Variants in VPS26A observed in about 807,000 individuals in gnomAD.
VPS26A encodes the protein VPS26 retromer complex component A, also known as vacuolar protein sorting-associated protein 26A.
Under a neutral mutation model 42.4 loss-of-function variants are expected in VPS26A, and 22 were observed. That is an observed-to-expected ratio of 0.52 (90% CI 0.37 to 0.74). VPS26A has a LOEUF of 0.74. Ranked by LOEUF, VPS26A falls within the 30% of genes least tolerant of loss-of-function variation. VPS26A has a pLI of 0.00. For missense variants in VPS26A, 276 were observed against 379.2 expected (o/e 0.73, Z 2.26); for synonymous variants, 110 against 123.5 (o/e 0.89, Z 0.73).
At chr10:69,162,593 A>C in intron 6 of VPS26A, 81 bp downstream of exon 6, 2 of 886,310 alleles carry the variant, frequency 2.3e-6, no homozygotes, top group Non-Finnish European at 3.3e-6. Flanking sequence ...TTTAAACATA[A>C]TTTGATATCC....
intron 2 of VPS26A, among the ~76,000 whole-genome samples, chr10:69,153,917 A>C (rs1157995245): frequency 6.6e-6 from 1 of 152,222 alleles, no homozygotes; most frequent in East Asian, 1.9e-4. Flanking sequence ...GGGTACATTC[A>C]GTGAACAAGT....
At chr10:69,143,653 T>G (rs903478270) in intron 2 of VPS26A, among the ~76,000 whole-genome samples, 2 of 152,190 alleles carry the variant, frequency 1.3e-5, no homozygotes, top group African/African-American at 4.8e-5. Flanking sequence ...TTTCCTTTAG[T>G]TATTGTTCAA....
At chr10:69,154,878 T>C (rs1260587484) in intron 2 of VPS26A, among the ~76,000 whole-genome samples, 1 of 152,190 alleles carries the variant, frequency 6.6e-6, no homozygotes, top group Non-Finnish European at 1.5e-5. Flanking sequence ...AATATGTGTG[T>C]GTGTGCGCGC....
intron 8 of VPS26A, 93 bp from the exon 9 acceptor site, chr10:69,171,063 A>G (rs1841802145): frequency 2.8e-6 from 3 of 1,052,920 alleles, no homozygotes; most frequent in Non-Finnish European, 4.2e-6. Context: ...GGAAGAATTT[A>G]ATTTTATTAT....
chr10:69,144,827 A>G (rs1050992999), intron 2 of VPS26A, among the ~76,000 whole-genome samples: 5 of 151,902 alleles, frequency 3.3e-5, no homozygotes, highest in African/African-American at 4.8e-5. Flanking sequence ...ATGTATCATA[A>G]ATATCTTCTC....
chr10:69,144,544 TAG>T (rs1841113863), intron 2 of VPS26A, among the ~76,000 whole-genome samples: 1 of 152,234 alleles, frequency 6.6e-6, no homozygotes, highest in Non-Finnish European at 1.5e-5. Flanking sequence ...GTAGCCTTTT[TAG>T]ATTGGTTTAT....
intron 1 of VPS26A, among the ~76,000 whole-genome samples, chr10:69,128,745 A>G (rs1473115424): frequency 6.6e-6 from 1 of 152,112 alleles, no homozygotes; most frequent in Non-Finnish European, 1.5e-5. Flanking sequence ...CTGTAATCCC[A>G]GCATTTTGGG....
At position 69,155,735 on chromosome 10, in the gene VPS26A, C is replaced by A. The variant is rs1009544068; in HGVS notation, c.154-77C>A. The A allele has an allele frequency of 4.0e-5, 40 of 1,012,560 alleles. No individual in the cohort carries two copies. The Admixed American group carries it at 8.7e-4, about 22-fold the overall frequency. The allele number at this position is 1,012,560 out of a possible 1,614,324, so 62.7% of individuals were successfully genotyped here. On this transcript the variant is annotated intron_variant, in intron 2 of 8. Transcript: ENST00000263559. ...GAATACCTGAAATATTTATATATTG[C>A]ATTCATCTGAAAGGAAGCTACTAGT...
At chr10:69,155,958 A>T in intron 3 of VPS26A, 71 bp downstream of exon 3, 1 of 1,182,184 alleles carries the variant, frequency 8.5e-7, no homozygotes, top group Non-Finnish European at 1.2e-6. Context: ...TTTTGCACCA[A>T]AATAATTGAA....
In VPS26A at chr10:69,172,871, C is replaced by CT. The variant is rs1377432091; in HGVS notation, c.*1603dup. 6.6e-6 allele frequency: 1 copy of CT among 152,336 alleles called. No homozygotes were observed. Among genetic ancestry groups the CT allele is most frequent in the African/African-American group, 2.4e-5 (1 of 41,456 alleles). The allele number at this position is 152,336 out of a possible 1,614,324, so 9.4% of individuals were successfully genotyped here. A position where few individuals can be genotyped will look rare whatever the true frequency, so the allele number is the denominator to read the frequency against. On this transcript the variant is annotated 3_prime_UTR_variant, in exon 9 of 9. Coordinates refer to ENST00000263559, the MANE Select transcript of VPS26A (RefSeq NM_004896.5). Reference sequence around the variant, plus strand: ...GAATTTGAAACAGAAACTGAGCTTGCTGTTTGCATGATTAAAATAGCTCTG... The same window carrying CT: ...GAATTTGAAACAGAAACTGAGCTTGCTTGTTTGCATGATTAAAATAGCTCTG...
chr10:69,146,605 T>C (rs1841166510), intron 2 of VPS26A, among the ~76,000 whole-genome samples: 3 of 152,298 alleles, frequency 2.0e-5, no homozygotes, highest in Non-Finnish European at 4.4e-5. Context: ...TAACCTCTAA[T>C]CTACTGTCCG....
At chr10:69,132,464 C>T (rs1360397472) in intron 1 of VPS26A, among the ~76,000 whole-genome samples, 6 of 142,284 alleles carry the variant, frequency 4.2e-5, no homozygotes, top group African/African-American at 1.5e-4. Flanking sequence ...TTTTTTGAGA[C>T]GGAGTTTTGC....
intron 2 of VPS26A, among the ~76,000 whole-genome samples, chr10:69,151,276 A>AAAAAAACAAAAAAAC (rs1841305481): frequency 5.8e-5 from 4 of 69,128 alleles, no homozygotes; most frequent in African/African-American, 1.2e-4. Flanking sequence ...AAAAAAAAAA[A>AAAAAAACAAAAAAAC]AAAAAAACAC....
rs1841712200 is a variant in VPS26A at position 69,167,376 on chromosome 10, A to G, written c.728-1113A>G. On this transcript the variant is annotated intron_variant, in intron 7 of 8. Coordinates refer to ENST00000263559, the MANE Select transcript of VPS26A (RefSeq NM_004896.5). ...GGAGGCAAGGTTGCATTGAGCCAAGATGGCACTACTGCATTCCAGCCTGAA... is the reference window on the plus strand; with the variant it reads ...GGAGGCAAGGTTGCATTGAGCCAAGGTGGCACTACTGCATTCCAGCCTGAA... Among the ~76,000 whole-genome samples the G allele has an allele frequency of 1.3e-5, 2 of 151,580 alleles. 1 individual carries two copies. The highest frequency in any genetic ancestry group is 4.2e-4 in the South Asian group (2 of 4,816).
Position 69,171,371 on chromosome 10 carries a change from C to A in VPS26A, c.*102C>A. 1 of 878,320 alleles carries A rather than the reference C, an allele frequency of 1.1e-6. No homozygotes were observed. The highest frequency in any genetic ancestry group is 1.8e-6 in the Non-Finnish European group (1 of 554,212). The allele number at this position is 878,320 out of a possible 1,614,324, so 54.4% of individuals were successfully genotyped here. ...GCAGCTGGAGGGGGCGGAAAAAGGC[C>A]AAAACTCCATATATGTTAGTCTTCC... is the stretch of plus-strand genomic sequence containing the variant. On this transcript the variant is annotated 3_prime_UTR_variant, in exon 9 of 9. Coordinates refer to ENST00000263559, the MANE Select transcript of VPS26A (RefSeq NM_004896.5).
chr10:69,153,214 T>C (rs1321221592), intron 2 of VPS26A, among the ~76,000 whole-genome samples: 1 of 151,822 alleles, frequency 6.6e-6, no homozygotes, highest in Non-Finnish European at 1.5e-5. Context: ...CACGTCCAGC[T>C]AATTTTCGTA....
chr10:69,135,495 C>T (rs1438357455), intron 2 of VPS26A, among the ~76,000 whole-genome samples: 1 of 152,178 alleles, frequency 6.6e-6, no homozygotes, highest in African/African-American at 2.4e-5. Flanking sequence ...GTAATCCCAG[C>T]TCTTTGGGAG....
intron 2 of VPS26A, among the ~76,000 whole-genome samples, chr10:69,137,271 C>T (rs1255756526): frequency 6.6e-6 from 1 of 152,058 alleles, no homozygotes; most frequent in African/African-American, 2.4e-5. Flanking sequence ...AACTTAGCAA[C>T]CTAAAATAAC....
At chr10:69,132,137 A>G (rs1459689604) in intron 1 of VPS26A, among the ~76,000 whole-genome samples, 1 of 152,238 alleles carries the variant, frequency 6.6e-6, no homozygotes, top group African/African-American at 2.4e-5. Context: ...TTATAGTAGT[A>G]CATTTGGATT....
Sources: allele counts gnomAD v4.1 joint callset (sites outside exome capture counted in the v4.1 genomes callset), GRCh38; gene constraint gnomAD v4.1.1; transcripts MANE v1.5; gene names NCBI Gene and HGNC (gene_info 2026-07-23, HGNC 2026-07-21).